FRMD3: variants seen among roughly 807,000 people sequenced by gnomAD.
FRMD3 encodes FERM domain-containing protein 3.
A neutral mutation model predicts 70.2 loss-of-function variants in FRMD3; 33 were observed. That is an observed-to-expected ratio of 0.47 (90% confidence interval 0.36 to 0.63). The LOEUF (loss-of-function observed/expected upper bound fraction) is 0.63. FRMD3 is among the 20% of genes least tolerant of loss of function. The pLI, the probability that FRMD3 is intolerant of heterozygous loss-of-function variation, is 0.00. For synonymous variants in FRMD3, 279 were observed against 255.9 expected (o/e 1.09, Z -0.86); for missense variants, 632 against 711.4 (o/e 0.89, Z 1.27).
At chr9:83,320,494 A>G (rs1485195016) in intron 6 of FRMD3, among the ~76,000 whole-genome samples, 1 of 151,898 alleles carries the variant, frequency 6.6e-6, no homozygotes, top group Non-Finnish European at 1.5e-5. Context: ...CATCCCTGGG[A>G]TAAATCCCAC....
At chr9:83,560,214 G>C in the FRMD3 span, among the ~76,000 whole-genome samples, 11 of 152,192 alleles carry the variant, frequency 7.2e-5, no homozygotes, top group African/African-American at 2.7e-4. Flanking sequence ...AACAGGCAGC[G>C]TATCTTCCCT....
intron 13 of FRMD3, among the ~76,000 whole-genome samples, chr9:83,251,986 C>G (rs1263447027): frequency 6.6e-6 from 1 of 152,290 alleles, no homozygotes; most frequent in East Asian, 1.9e-4. Context: ...CCCAACCTAG[C>G]AAGACCTGCC....
chr9:83,582,441 A>C, the FRMD3 span, among the ~76,000 whole-genome samples: 2 of 152,252 alleles, frequency 1.3e-5, no homozygotes, highest in Non-Finnish European at 2.9e-5. Context: ...TAGGGAACCT[A>C]GTATCTGTTT....
At chr9:83,446,816 G>C (rs992358294) in intron 1 of FRMD3, among the ~76,000 whole-genome samples, 4 of 152,060 alleles carry the variant, frequency 2.6e-5, no homozygotes, top group Non-Finnish European at 5.9e-5. Context: ...AAGTGTTTCT[G>C]GGGCACTTGA....
At chr9:83,350,950 G>T (rs901015346) in intron 3 of FRMD3, 9 of 861,008 alleles carry the variant, frequency 1.0e-5, no homozygotes, top group Middle Eastern at 6.0e-4. Context: ...CTTAAATCAA[G>T]GAAATAAAAT....
chr9:83,320,123 T>C (rs921930980), intron 6 of FRMD3, among the ~76,000 whole-genome samples: 2 of 152,196 alleles, frequency 1.3e-5, no homozygotes, highest in African/African-American at 4.8e-5. Context: ...TTGACTTCCT[T>C]TTTTCCAACT....
At chr9:83,304,115 G>A (rs554804458) in intron 10 of FRMD3, among the ~76,000 whole-genome samples, 29 of 152,140 alleles carry the variant, frequency 1.9e-4, no homozygotes, top group African/African-American at 4.6e-4. Context: ...TGGATATACC[G>A]CATTTTGTTT....
At chr9:83,393,830 C>T (rs1825736272) in intron 1 of FRMD3, among the ~76,000 whole-genome samples, 1 of 152,140 alleles carries the variant, frequency 6.6e-6, no homozygotes, top group Admixed American at 6.5e-5. Flanking sequence ...TACTGCTATG[C>T]AGCTCAGTTC....
intron 1 of FRMD3, among the ~76,000 whole-genome samples, chr9:83,436,380 T>C (rs937782094): frequency 3.3e-5 from 5 of 152,108 alleles, no homozygotes; most frequent in East Asian, 3.9e-4. Context: ...TTTGCTATTT[T>C]TAGCTTTTTA....
At chr9:83,464,176 T>C (rs1260507478) in intron 1 of FRMD3, among the ~76,000 whole-genome samples, 1 of 152,234 alleles carries the variant, frequency 6.6e-6, no homozygotes, top group Middle Eastern at 3.2e-3. Flanking sequence ...CCATTGTTAA[T>C]GCTGACGGTA....
chr9:83,277,609 C>A (rs1396735151), intron 13 of FRMD3, among the ~76,000 whole-genome samples: 1 of 152,168 alleles, frequency 6.6e-6, no homozygotes, highest in Non-Finnish European at 1.5e-5. Context: ...GATACTCCTG[C>A]CTTGGCCTCC....
chr9:83,267,315 G>T, intron 13 of FRMD3: 1 of 1,427,394 alleles, frequency 7.0e-7, no homozygotes, highest in Non-Finnish European at 9.2e-7. Context: ...GAGGGGAGGA[G>T]GGAGGGGACG....
chr9:83,524,581 T>G (rs555275152), intron 1 of FRMD3, among the ~76,000 whole-genome samples: 1 of 152,322 alleles, frequency 6.6e-6, no homozygotes, highest in South Asian at 2.1e-4. Flanking sequence ...AATTATATCA[T>G]TTAGACTACT....
chr9:83,487,484 T>C (rs1404733212), intron 1 of FRMD3, among the ~76,000 whole-genome samples: 1 of 152,202 alleles, frequency 6.6e-6, no homozygotes, highest in East Asian at 1.9e-4. Context: ...AAAAGTCTTC[T>C]GAAGCCATAG....
chr9:83,554,979 C>T, the FRMD3 span, among the ~76,000 whole-genome samples: 36 of 152,324 alleles, frequency 2.4e-4, 1 homozygote, highest in South Asian at 5.4e-3. Context: ...TAGCAGGCAG[C>T]CTGTCCCTCC....
At chr9:83,345,601 C>T (rs1001627308) in intron 4 of FRMD3, among the ~76,000 whole-genome samples, 3 of 151,736 alleles carry the variant, frequency 2.0e-5, no homozygotes, top group Admixed American at 1.3e-4. Flanking sequence ...ACTAAAAATA[C>T]AAAAAATTAG....
At chr9:83,324,635 C>T (rs533877178) in intron 6 of FRMD3, among the ~76,000 whole-genome samples, 56 of 152,308 alleles carry the variant, frequency 3.7e-4, no homozygotes, top group Non-Finnish European at 4.9e-4. Context: ...ATAATAGATA[C>T]ATATGCAGAG....
At chr9:83,252,475 A>G (rs1832474480) in intron 13 of FRMD3, among the ~76,000 whole-genome samples, 1 of 152,218 alleles carries the variant, frequency 6.6e-6, no homozygotes, top group African/African-American at 2.4e-5. Context: ...AGTCTGCAAA[A>G]TAACCAACTA....
chr9:83,536,930 T>TAAAA (rs142272516), intron 1 of FRMD3, among the ~76,000 whole-genome samples: 924 of 60,838 alleles, frequency 0.015, 67 homozygotes, highest in African/African-American at 0.053. Flanking sequence ...TGTATTACAC[T>TAAAA]AAAAAAAAAA....
Sources: gnomAD v4.1 joint callset for allele counts (sites outside exome capture counted in the v4.1 genomes callset) on GRCh38, gnomAD v4.1.1 for gene constraint, MANE v1.5 for transcripts, NCBI Gene and HGNC (gene_info 2026-07-23, HGNC 2026-07-21) for gene names.